SYNPR: variants seen among roughly 807,000 people sequenced by gnomAD.
SYNPR encodes synaptoporin.
In SYNPR, 23 loss-of-function variants were observed where a neutral mutation model predicts 32.9. The observed-to-expected ratio is 0.70, with a 90% CI of 0.50 to 0.99. SYNPR has a LOEUF of 0.99. Among genes scored for constraint, SYNPR ranks in the 50% least tolerant of loss-of-function variants. SYNPR has a pLI of 0.00. For synonymous variants in SYNPR, 146 were observed against 135.9 expected (o/e 1.07, Z -0.52); for missense variants, 318 against 349.3 (o/e 0.91, Z 0.71).
At chr3:63,310,421 G>A (rs1016121449) in intron 2 of SYNPR, among the ~76,000 whole-genome samples, 1 of 151,960 alleles carries the variant, frequency 6.6e-6, no homozygotes, top group African/African-American at 2.4e-5. Context: ...TGAACCATAT[G>A]TATTTAAAAT....
At chr3:63,365,108 C>T (rs1470177846) in intron 2 of SYNPR, among the ~76,000 whole-genome samples, 7 of 152,150 alleles carry the variant, frequency 4.6e-5, no homozygotes, top group Non-Finnish European at 1.0e-4. Flanking sequence ...TAGCTGGCTG[C>T]AGGGTACACA....
At chr3:63,602,066 T>A (rs1300195923) in intron 4 of SYNPR, among the ~76,000 whole-genome samples, 1 of 152,214 alleles carries the variant, frequency 6.6e-6, no homozygotes, top group Non-Finnish European at 1.5e-5. Flanking sequence ...TATCTCTTTG[T>A]GGTTTTGATT....
chr3:63,402,239 G>A (rs371467733), intron 2 of SYNPR, among the ~76,000 whole-genome samples: 2 of 151,994 alleles, frequency 1.3e-5, no homozygotes, highest in African/African-American at 2.4e-5. Context: ...GCAGCATCCC[G>A]GGCCTCTAAA....
At chr3:63,394,918 A>G (rs187678176) in intron 2 of SYNPR, among the ~76,000 whole-genome samples, 10 of 152,338 alleles carry the variant, frequency 6.6e-5, no homozygotes, top group Admixed American at 2.0e-4. Context: ...TTTATAGGGC[A>G]TAATTTATCT....
rs549118236 is a variant in SYNPR, at chr3:63,325,047, G to A, written c.84+46305G>A. On this transcript the variant is annotated intron_variant, in intron 2 of 5. Coordinates refer to ENST00000478300, the MANE Select transcript of SYNPR (RefSeq NM_001130003.2). ...TGAAGAATGCTTTATGAAAATCAGA[G>A]TTGTTTTTTAATGAGGCCATCTGGT... 5.3e-5 allele frequency among the ~76,000 whole-genome samples: 8 copies of A among 152,216 alleles called. No homozygotes were observed. In the South Asian group the frequency reaches 1.5e-3, roughly 28 times the overall value.
At chr3:63,536,057 A>G (rs1702200409) in intron 3 of SYNPR, among the ~76,000 whole-genome samples, 1 of 152,040 alleles carries the variant, frequency 6.6e-6, no homozygotes, top group Admixed American at 6.6e-5. Flanking sequence ...CTTGAGGCCA[A>G]AAATTCGAGA....
chr3:63,245,514 C>T (rs898442067), intron 1 of SYNPR, among the ~76,000 whole-genome samples: 4 of 151,788 alleles, frequency 2.6e-5, no homozygotes, highest in Non-Finnish European at 5.9e-5. Flanking sequence ...ACTAACCTGT[C>T]CAGAATTGGG....
intron 2 of SYNPR, among the ~76,000 whole-genome samples, chr3:63,313,694 TATATATATCC>T (rs2086995620): frequency 1.2e-5 from 1 of 80,226 alleles, no homozygotes; most frequent in African/African-American, 6.4e-5. Flanking sequence ...TATATCCATA[TATATATATCC>T]ATATATATAT....
chr3:63,250,083 A>G (rs2086319380), intron 1 of SYNPR, among the ~76,000 whole-genome samples: 1 of 152,062 alleles, frequency 6.6e-6, no homozygotes, highest in Non-Finnish European at 1.5e-5. Context: ...AAAATTACAT[A>G]TAGCTGGGAG....
At chr3:63,479,446 G>GCGCACACACACACACA (rs6147854) in intron 2 of SYNPR, among the ~76,000 whole-genome samples, 1 of 135,738 alleles carries the variant, frequency 7.4e-6, no homozygotes. Context: ...CCACACACAT[G>GCGCACACACACACACA]CACACACACA....
At chr3:63,532,229 A>G (rs1702125281) in intron 3 of SYNPR, among the ~76,000 whole-genome samples, 1 of 152,202 alleles carries the variant, frequency 6.6e-6, no homozygotes, top group Non-Finnish European at 1.5e-5. Context: ...TCCCTCTTTC[A>G]ATCGTATGTT....
intron 2 of SYNPR, among the ~76,000 whole-genome samples, chr3:63,479,288 T>C (rs1575666074): frequency 1.3e-5 from 2 of 152,348 alleles, no homozygotes; most frequent in East Asian, 1.9e-4. Flanking sequence ...TTCGTTAACA[T>C]TGATTGAGAG....
At chr3:63,469,427 A>G (rs149670946) in intron 2 of SYNPR, among the ~76,000 whole-genome samples, 15 of 152,242 alleles carry the variant, frequency 9.9e-5, no homozygotes, top group African/African-American at 3.4e-4. Context: ...ATTTTCTTCA[A>G]TGCACTAAGA....
rs147809503 is a variant in SYNPR at position 63,339,028 on chromosome 3, G to A, written c.84+60286G>A. Among the ~76,000 whole-genome samples, 15 of 152,274 alleles carry A rather than the reference G, an allele frequency of 9.9e-5. No homozygotes were observed. In the South Asian group the frequency reaches 1.0e-3, roughly 11 times the overall value. On this transcript the variant is annotated intron_variant, in intron 2 of 5. Coordinates refer to ENST00000478300, the MANE Select transcript of SYNPR (RefSeq NM_001130003.2). ...CTCCTCAGGAATCTTTGCCTGCTGC[G>A]TTTGCTTGTGAATTCCTTGGAGATG... is the stretch of plus-strand genomic sequence containing the variant.
chr3:63,496,331 T>A (rs1701372491), intron 3 of SYNPR, among the ~76,000 whole-genome samples: 1 of 152,050 alleles, frequency 6.6e-6, no homozygotes, highest in African/African-American at 2.4e-5. Flanking sequence ...TAAATATATT[T>A]TCATGTCAAC....
chr3:63,604,293 C>G (rs902508383), intron 4 of SYNPR, among the ~76,000 whole-genome samples: 1 of 152,050 alleles, frequency 6.6e-6, no homozygotes, highest in Admixed American at 6.6e-5. Flanking sequence ...TTCAAAAAAC[C>G]AACTTTAAGA....
chr3:63,568,211 A>G (rs1363629560), intron 4 of SYNPR, among the ~76,000 whole-genome samples: 3 of 152,200 alleles, frequency 2.0e-5, no homozygotes, highest in African/African-American at 7.2e-5. Context: ...TCCAAATACC[A>G]TTAAGGCACT....
intron 4 of SYNPR, among the ~76,000 whole-genome samples, chr3:63,601,084 C>G (rs1700034081): frequency 6.6e-6 from 1 of 152,060 alleles, no homozygotes; most frequent in African/African-American, 2.4e-5. Flanking sequence ...ACCAGCCTGA[C>G]CCACATGGAG....
At chr3:63,270,066 A>G (rs11714284) in intron 3 of SYNPR, among the ~76,000 whole-genome samples, 20,688 of 152,282 alleles carry the variant, frequency 0.14, 1,604 homozygotes, top group Non-Finnish European at 0.19. Context: ...CATAGGATAA[A>G]AATGACTAAA....
Sources: gnomAD v4.1 joint callset for allele counts (sites outside exome capture counted in the v4.1 genomes callset) on GRCh38, gnomAD v4.1.1 for gene constraint, MANE v1.5 for transcripts, NCBI Gene and HGNC (gene_info 2026-07-23, HGNC 2026-07-21) for gene names.